ATP6V0A4: variants seen among roughly 807,000 people sequenced by gnomAD.
ATP6V0A4 encodes V-type proton ATPase 116 kDa subunit a 4.
In ATP6V0A4, 86 loss-of-function variants were observed where a neutral mutation model predicts 107.3. That is an observed-to-expected ratio of 0.80 (90% CI 0.67 to 0.96). ATP6V0A4 has a LOEUF of 0.96. Ranked by LOEUF, ATP6V0A4 falls within the 40% of genes least tolerant of loss-of-function variation. ATP6V0A4 has a pLI of 0.00. For missense variants in ATP6V0A4, 908 were observed against 1,045.6 expected, an observed-to-expected ratio of 0.87 and a Z score of 1.81; for synonymous variants, 353 against 381.4, an observed-to-expected ratio of 0.93 and a Z score of 0.87.
In ATP6V0A4 at chr7:138,762,350, C is replaced by T. The variant is rs778642531; in HGVS notation, c.502G>A (p.Gly168Arg). 32 of 1,614,034 alleles carry T rather than the reference C, an allele frequency of 2.0e-5. No individual in the cohort carries two copies. The highest frequency in any genetic ancestry group is 2.5e-5 in the Non-Finnish European group (30 of 1,180,036). ...AAGAATTACACTAACCCCAACTTTC[C>T]GGTCATATATGCAGGCACTGCTTTC... ...ELKAVPAYMTGKLGFIAGVIN... is the reference protein window; with the variant it reads ...ELKAVPAYMTRKLGFIAGVIN... Residue 168 changes from glycine (G) to arginine (R), a missense_variant, in exon 7 of 22, where the codon GGA (glycine) becomes AGA (arginine). Transcript: ENST00000310018.
At chr7:138,718,640 GTCT>G (rs1249870735) in intron 19 of ATP6V0A4, among the ~76,000 whole-genome samples, 2 of 100,412 alleles carry the variant, frequency 2.0e-5, no homozygotes, top group Admixed American at 1.3e-4. Context: ...CGCCACGGAT[GTCT>G]GCGGAGGGAG....
chr7:138,751,587 C>T (rs925840820), intron 11 of ATP6V0A4, among the ~76,000 whole-genome samples: 21 of 151,440 alleles, frequency 1.4e-4, no homozygotes, highest in African/African-American at 4.9e-4. Flanking sequence ...GACATGCCTC[C>T]GTGTCCCTTT....
At chr7:138,727,406 A>G (rs992217879) in intron 18 of ATP6V0A4, among the ~76,000 whole-genome samples, 5 of 152,078 alleles carry the variant, frequency 3.3e-5, no homozygotes, top group African/African-American at 1.2e-4. Flanking sequence ...ACAACCCTCA[A>G]CCACCTTGCT....
At chr7:138,758,739 A>ATTTTTTTTTTTTTTTT (rs398006555) in intron 8 of ATP6V0A4, among the ~76,000 whole-genome samples, 3 of 59,202 alleles carry the variant, frequency 5.1e-5, no homozygotes, top group African/African-American at 6.9e-5. Context: ...CTGACTCAGA[A>ATTTTTTTTTTTTTTTT]TTTTTTTTTT....
Position 138,716,240 on chromosome 7 carries a change from G to C in ATP6V0A4, c.2140-359C>G, listed in dbSNP as rs140147999. Among the ~76,000 whole-genome samples the C allele has an allele frequency of 2.5e-3, 384 of 152,304 alleles. 2 individuals carry two copies. The highest frequency in any genetic ancestry group is 8.9e-3 in the African/African-American group (372 of 41,574). ...GGTTGGGAAAGAAACAGGTAGCTGGGAATATCACCTAGTCAAGTCGGAAAG... is the reference window on the plus strand; with the variant it reads ...GGTTGGGAAAGAAACAGGTAGCTGGCAATATCACCTAGTCAAGTCGGAAAG... On this transcript the variant is annotated intron_variant, in intron 19 of 21. Transcript: ENST00000310018.
At chr7:138,749,710 A>G (rs1156537988) in intron 11 of ATP6V0A4, among the ~76,000 whole-genome samples, 1 of 151,930 alleles carries the variant, frequency 6.6e-6, no homozygotes, top group Non-Finnish European at 1.5e-5. Flanking sequence ...TCAAACTCCA[A>G]TGTGTCACCA....
At chr7:138,734,009 C>A (rs1805171778) in intron 16 of ATP6V0A4, 127 bp downstream of exon 16, 1 of 1,092,174 alleles carries the variant, frequency 9.2e-7, no homozygotes, top group Non-Finnish European at 1.4e-6. Context: ...CCCAGATGCC[C>A]AGGGAAGTAC....
intron 18 of ATP6V0A4, among the ~76,000 whole-genome samples, chr7:138,724,912 A>G (rs1804632343): frequency 1.3e-5 from 2 of 152,176 alleles, no homozygotes. Flanking sequence ...CACAATGCTT[A>G]AGCTGGGTGG....
chr7:138,727,515 G>C (rs1279102793), intron 18 of ATP6V0A4, among the ~76,000 whole-genome samples: 5 of 152,088 alleles, frequency 3.3e-5, no homozygotes, highest in African/African-American at 4.8e-5. Flanking sequence ...GCTTTGGAAC[G>C]AGTTCGGACT....
chr7:138,759,642 G>T, intron 8 of ATP6V0A4, 110 bp downstream of exon 8: 3 of 1,155,666 alleles, frequency 2.6e-6, no homozygotes, highest in South Asian at 1.3e-5. Context: ...AAAGGAAATA[G>T]ATATTAGTCT....
At chr7:138,788,408 C>T (rs2130216291) in intron 1 of ATP6V0A4, among the ~76,000 whole-genome samples, 1 of 152,262 alleles carries the variant, frequency 6.6e-6, no homozygotes, top group East Asian at 1.9e-4. Flanking sequence ...ATTAACTTCA[C>T]CTTAAAATGC....
At chr7:138,745,903 C>T (rs1187878815) in intron 13 of ATP6V0A4, among the ~76,000 whole-genome samples, 3 of 94,038 alleles carry the variant, frequency 3.2e-5, no homozygotes, top group Admixed American at 2.5e-4. Context: ...GAGATTGCCC[C>T]ACTGCCCTCC....
At chr7:138,769,147 G>GAAA in intron 4 of ATP6V0A4, 26 bp downstream of exon 4, 11 of 1,561,572 alleles carry the variant, frequency 7.0e-6, no homozygotes, top group East Asian at 6.9e-5. Flanking sequence ...TGAACAGTAA[G>GAAA]AAAAAAAAAA....
intron 19 of ATP6V0A4, among the ~76,000 whole-genome samples, chr7:138,716,582 G>T (rs969342255): frequency 7.8e-4 from 73 of 93,274 alleles, no homozygotes; most frequent in Non-Finnish European, 1.2e-3. Flanking sequence ...TTTTGGGGGG[G>T]GGGGAGGGTC....
In ATP6V0A4 at chr7:138,771,674, C is replaced by A. The variant is rs555043461; in HGVS notation, c.-17-410G>T. ...TTGCTCTGTCACCCAGGCTGGAGTG[C>A]AGTGGCACAAACATGACTCACTGCA... On this transcript the variant is annotated intron_variant, in intron 2 of 21. Coordinates refer to ENST00000310018, the MANE Select transcript of ATP6V0A4 (RefSeq NM_020632.3). Among the ~76,000 whole-genome samples, 8 of 152,256 alleles carry A rather than the reference C, an allele frequency of 5.3e-5. No individual in the cohort carries two copies. The South Asian group carries it at 1.7e-3, about 32-fold the overall frequency.
intron 2 of ATP6V0A4, among the ~76,000 whole-genome samples, chr7:138,779,253 G>A (rs1807813143): frequency 6.6e-6 from 1 of 151,872 alleles, no homozygotes; most frequent in Admixed American, 6.6e-5. Flanking sequence ...AGGCCGACTT[G>A]GGAGGATGAC....
intron 15 of ATP6V0A4, among the ~76,000 whole-genome samples, chr7:138,734,812 T>C (rs1805226064): frequency 1.3e-5 from 2 of 150,042 alleles, no homozygotes; most frequent in South Asian, 2.1e-4. Context: ...GGAAAGCTAA[T>C]CTGAGCCATT....
Position 138,768,821 on chromosome 7 carries a change from T to G in ATP6V0A4, c.250A>C (p.Ser84Arg), listed in dbSNP as rs764857690. The G allele has an allele frequency of 6.2e-7, 1 of 1,614,072 alleles. No homozygotes were observed. Among genetic ancestry groups the G allele is most frequent in the Non-Finnish European group, 8.5e-7 (1 of 1,180,042 alleles). ...NEIVVQLLEK[S>R]PLTPLPREMI... Reference sequence around the variant, plus strand: ...TCCCGTGGGAGCGGGGTCAGTGGGCTTTTCTCGAGCAACTGAACTACAATC... The same window carrying G: ...TCCCGTGGGAGCGGGGTCAGTGGGCGTTTCTCGAGCAACTGAACTACAATC... The change falls in exon 5 of 22, where the codon AGC becomes CGC. Residue 84 changes from serine (S) to arginine (R), a missense_variant. Coordinates refer to ENST00000310018, the MANE Select transcript of ATP6V0A4 (RefSeq NM_020632.3).
At chr7:138,777,315 C>T (rs1807705033) in intron 2 of ATP6V0A4, among the ~76,000 whole-genome samples, 2 of 151,620 alleles carry the variant, frequency 1.3e-5, no homozygotes, top group Non-Finnish European at 2.9e-5. Flanking sequence ...ACCTGGTTCA[C>T]ATTTTTAAAA....
Sources: gnomAD v4.1 joint callset for allele counts (sites outside exome capture counted in the v4.1 genomes callset) on GRCh38, gnomAD v4.1.1 for gene constraint, MANE v1.5 for transcripts, NCBI Gene and HGNC (gene_info 2026-07-23, HGNC 2026-07-21) for gene names.